Variants in GABRA5 observed in about 807,000 individuals in gnomAD.
GABRA5 encodes gamma-aminobutyric acid receptor subunit alpha-5.
In GABRA5, 18 loss-of-function variants were observed where a neutral mutation model predicts 47.3. The ratio of observed to expected loss-of-function variants is 0.38; its 90% confidence interval spans 0.26 to 0.56. The LOEUF is 0.56. GABRA5 is among the 20% of genes least tolerant of loss of function. The pLI is 0.71. For missense variants in GABRA5, 365 were observed against 599.3 expected, an observed-to-expected ratio of 0.61 and a Z score of 4.08; for synonymous variants, 237 against 229.3, an observed-to-expected ratio of 1.03 and a Z score of -0.30.
At chr15:26,946,789 C>CAA (rs61497260) in intron 10 of GABRA5, among the ~76,000 whole-genome samples, 1,803 of 149,468 alleles carry the variant, frequency 0.012, 22 homozygotes, top group African/African-American at 0.036. Flanking sequence ...ATTTTATATC[C>CAA]AAAAAAAAAA....
chr15:26,889,813 C>T (rs1208467663), intron 6 of GABRA5, among the ~76,000 whole-genome samples: 3 of 152,110 alleles, frequency 2.0e-5, no homozygotes, highest in African/African-American at 7.2e-5. Flanking sequence ...GTTATGATAA[C>T]ACCAAGACCA....
intron 3 of GABRA5, chr15:26,877,803 C>T: frequency 5.3e-6 from 2 of 377,196 alleles, no homozygotes; most frequent in South Asian, 4.0e-5. Context: ...TTTAAGAGAA[C>T]CTAGTGAATT....
chr15:26,932,004 A>G (rs533733905), intron 7 of GABRA5, among the ~76,000 whole-genome samples: 11 of 152,370 alleles, frequency 7.2e-5, no homozygotes, highest in Non-Finnish European at 1.6e-4. Flanking sequence ...CAAACCCAAC[A>G]CTATAAAAAC....
rs150963891 is a variant in GABRA5, at chr15:26,880,652, G to C, written c.87-194G>C. 1,482 of 492,464 alleles carry C rather than the reference G, an allele frequency of 3.0e-3. 23 individuals are homozygous for C. The highest frequency in any genetic ancestry group is 0.027 in the African/African-American group (1,367 of 51,086). 30.5% of individuals were successfully genotyped at this position (492,464 alleles called of 1,614,324 possible). A position where few individuals can be genotyped will look rare whatever the true frequency, so the allele number is the denominator to read the frequency against. Reference sequence around the variant, plus strand: ...TAGGTGGTTGGATAACTAGCCCCAAGCAGAGTATCCTTGGATGTTGGAGAA... The same window carrying C: ...TAGGTGGTTGGATAACTAGCCCCAACCAGAGTATCCTTGGATGTTGGAGAA... On this transcript the variant is annotated intron_variant, in intron 3 of 10. Coordinates refer to ENST00000335625, the MANE Select transcript of GABRA5 (RefSeq NM_000810.4).
At chr15:26,934,496 T>G (rs150500810) in intron 7 of GABRA5, among the ~76,000 whole-genome samples, 42 of 152,270 alleles carry the variant, frequency 2.8e-4, no homozygotes, top group African/African-American at 7.7e-4. Flanking sequence ...TAAATTAAAG[T>G]AGAAAGACCT....
intron 7 of GABRA5, among the ~76,000 whole-genome samples, chr15:26,915,973 T>G (rs957611082): frequency 6.6e-6 from 1 of 152,222 alleles, no homozygotes; most frequent in Admixed American, 6.5e-5. Flanking sequence ...TTCATTATAT[T>G]TATAGCTTCT....
chr15:26,898,344 A>G (rs1448335007), intron 6 of GABRA5, among the ~76,000 whole-genome samples: 1 of 152,194 alleles, frequency 6.6e-6, no homozygotes, highest in Non-Finnish European at 1.5e-5. Context: ...CACTTTATAC[A>G]TCAAATTTCT....
chr15:26,893,640 C>T (rs1595405511), intron 6 of GABRA5, among the ~76,000 whole-genome samples: 1 of 152,032 alleles, frequency 6.6e-6, no homozygotes, highest in South Asian at 2.1e-4. Flanking sequence ...TTTCACTAAG[C>T]CCTGTCTGCG....
intron 6 of GABRA5, among the ~76,000 whole-genome samples, chr15:26,890,432 T>TA (rs1595402541): frequency 6.6e-6 from 1 of 150,408 alleles, no homozygotes. Context: ...TTCAATTTTT[T>TA]TTTTTTTTTT....
chr15:26,888,518 T>A (rs1442600172), intron 6 of GABRA5, among the ~76,000 whole-genome samples: 1 of 151,726 alleles, frequency 6.6e-6, no homozygotes, highest in Non-Finnish European at 1.5e-5. Context: ...TCATCTAGGG[T>A]CCAGATGGAT....
chr15:26,883,659 A>C lies in GABRA5; in HGVS notation c.497+102A>C, dbSNP rs1400157474. 4.2e-6 allele frequency: 4 copies of C among 945,588 alleles called. No homozygotes were observed. In the African/African-American group the frequency reaches 6.7e-5, roughly 16 times the overall value. The allele number at this position is 945,588 out of a possible 1,614,324, so 58.6% of individuals were successfully genotyped here. On this transcript the variant is annotated intron_variant, in intron 6 of 10. Transcript: ENST00000335625. This position sits in a 1 kb window ranked among gnomAD's most constrained non-coding sequence, Gnocchi z 4.8. Reference sequence around the variant, plus strand: ...TGCGCCGCGGAGCTGTTCTGACCATAGGTCTGAGACTGCGGCGCGTGTGTG... The same window carrying C: ...TGCGCCGCGGAGCTGTTCTGACCATCGGTCTGAGACTGCGGCGCGTGTGTG...
In GABRA5 at chr15:26,939,955, A is replaced by G. The variant is rs1368115621; in HGVS notation, c.755A>G (p.His252Arg). 6.2e-7 allele frequency: 1 copy of G among 1,613,954 alleles called. No homozygotes were observed. Among genetic ancestry groups the G allele is most frequent in the East Asian group, 2.2e-5 (1 of 44,858 alleles). Residue 252 changes from histidine (H) to arginine (R), a missense_variant, in exon 9 of 11, where the codon CAC becomes CGC. This residue lies in a region of GABRA5 where 216 missense variants were observed against 335.3 expected (regional missense o/e 0.64). Coordinates refer to ENST00000335625, the MANE Select transcript of GABRA5 (RefSeq NM_000810.4). ...TACACAATCATGACAGCTCACTTCC[A>G]CCTGAAAAGGAAGATTGGCTACTTT... ...GEYTIMTAHF[H>R]LKRKIGYFVI...
intron 9 of GABRA5, among the ~76,000 whole-genome samples, chr15:26,940,930 G>A (rs1894369080): frequency 6.6e-6 from 1 of 152,212 alleles, no homozygotes; most frequent in Non-Finnish European, 1.5e-5. Context: ...GATCCTGGAT[G>A]CTCACATCTT....
chr15:26,899,959 T>C (rs1893287394), intron 6 of GABRA5, among the ~76,000 whole-genome samples: 1 of 152,162 alleles, frequency 6.6e-6, no homozygotes, highest in South Asian at 2.1e-4. Context: ...TCATTTCTTG[T>C]TCTACAGTTC....
chr15:26,894,840 T>A (rs1189984622), intron 6 of GABRA5, among the ~76,000 whole-genome samples: 4 of 152,192 alleles, frequency 2.6e-5, no homozygotes, highest in Non-Finnish European at 4.4e-5. Flanking sequence ...AATGTTTTTG[T>A]CTTCCAGTCT....
intron 6 of GABRA5, among the ~76,000 whole-genome samples, chr15:26,888,687 G>A (rs537438814): frequency 2.0e-5 from 3 of 152,284 alleles, no homozygotes; most frequent in South Asian, 2.1e-4. Flanking sequence ...ACACCATTAC[G>A]TAAGTTATAA....
At chr15:26,886,534 T>G (rs893316550) in intron 6 of GABRA5, among the ~76,000 whole-genome samples, 2 of 152,144 alleles carry the variant, frequency 1.3e-5, no homozygotes, top group African/African-American at 4.8e-5. Flanking sequence ...GTGACCATAA[T>G]GGACAGAGAG....
At chr15:26,930,946 A>G (rs1192797939) in intron 7 of GABRA5, among the ~76,000 whole-genome samples, 3 of 127,412 alleles carry the variant, frequency 2.4e-5, no homozygotes, top group African/African-American at 9.4e-5. Flanking sequence ...CCCAGGCTGG[A>G]GTGCAGTAGC....
intron 7 of GABRA5, among the ~76,000 whole-genome samples, chr15:26,918,373 T>C (rs1893765147): frequency 6.6e-6 from 1 of 152,220 alleles, no homozygotes; most frequent in Non-Finnish European, 1.5e-5. Flanking sequence ...TTCTGTCTTC[T>C]TAAATTGATT....
Sources: allele counts gnomAD v4.1 joint callset (sites outside exome capture counted in the v4.1 genomes callset), GRCh38; gene constraint gnomAD v4.1.1; regional missense constraint gnomAD v4.1.1; non-coding constraint Gnocchi (gnomAD v3.1); transcripts MANE v1.5; gene names NCBI Gene and HGNC (gene_info 2026-07-23, HGNC 2026-07-21).